Variants in PHKB observed in about 807,000 individuals in gnomAD.
PHKB encodes phosphorylase kinase regulatory subunit beta, also known as phosphorylase b kinase regulatory subunit beta.
PHKB carries 122 observed loss-of-function variants against 152.1 expected under a neutral mutation model. That is an observed-to-expected ratio of 0.80 (90% CI 0.69 to 0.93). The LOEUF (loss-of-function observed/expected upper bound fraction) is 0.93. Among genes scored for constraint, PHKB ranks in the 40% least tolerant of loss-of-function variants. The probability of loss-of-function intolerance (pLI) is 0.00; values close to 1 mark genes in which losing one functional copy is unlikely to be tolerated. For missense variants in PHKB, 1,304 were observed against 1,328.4 expected, an observed-to-expected ratio of 0.98 and a Z score of 0.29; for synonymous variants, 436 against 464.9, an observed-to-expected ratio of 0.94 and a Z score of 0.80.
chr16:47,560,756 A>G (rs1379705921), intron 7 of PHKB, among the ~76,000 whole-genome samples: 2 of 152,216 alleles, frequency 1.3e-5, no homozygotes, highest in African/African-American at 4.8e-5. Context: ...TACAAAAATT[A>G]ATATGAAAGA....
intron 10 of PHKB, among the ~76,000 whole-genome samples, chr16:47,589,554 G>T (rs755089573): frequency 1.3e-5 from 2 of 151,924 alleles, no homozygotes; most frequent in African/African-American, 2.4e-5. Context: ...AAAACTGATA[G>T]GCCATTCCAT....
At position 47,520,175 on chromosome 16, in the gene PHKB, GAAAT is replaced by G. The variant is rs1233374082; in HGVS notation, c.594+4577_594+4580del. Among the ~76,000 whole-genome samples the G allele has an allele frequency of 3.9e-5, 6 of 152,200 alleles. No homozygotes were observed. In the East Asian group the frequency reaches 1.2e-3, roughly 29 times the overall value. On this transcript the variant is annotated intron_variant, in intron 6 of 30. Transcript: ENST00000323584. ...CCTGCTTGTCATCAGTTTACACAGAGAAATAAGTAAGTTGTTCAAAACTATTTAT... is the reference window on the plus strand; with the variant it reads ...CCTGCTTGTCATCAGTTTACACAGAGAAGTAAGTTGTTCAAAACTATTTAT...
In PHKB at chr16:47,602,592, G is replaced by A. The variant is rs568384645; in HGVS notation, c.1363+6061G>A. 3.1e-3 allele frequency among the ~76,000 whole-genome samples: 409 copies of A among 134,024 alleles called. 3 individuals are homozygous for A. The highest frequency in any genetic ancestry group is 5.0e-3 in the Non-Finnish European group (325 of 64,670). 87.9% of individuals were successfully genotyped at this position (134,024 alleles called of 152,430 possible). On this transcript the variant is annotated intron_variant, in intron 13 of 30. Coordinates refer to ENST00000323584, the MANE Select transcript of PHKB (RefSeq NM_000293.3). ...TCTTACATTTTTCCTGTGCTGTAGTGAAAGGTGAAGAGTTTGTGGATTATG... is the reference window on the plus strand; with the variant it reads ...TCTTACATTTTTCCTGTGCTGTAGTAAAAGGTGAAGAGTTTGTGGATTATG...
rs761833311 is a variant in PHKB, at chr16:47,648,509, A to G, written c.1609-24A>G. 41 of 1,510,220 alleles carry G rather than the reference A, an allele frequency of 2.7e-5. 1 individual carries two copies. The South Asian group carries it at 4.3e-4, about 16-fold the overall frequency. The allele number at this position is 1,510,220 out of a possible 1,614,324, so 93.6% of individuals were successfully genotyped here. A position where few individuals can be genotyped will look rare whatever the true frequency, so the allele number is the denominator to read the frequency against. Reference sequence around the variant, plus strand: ...GTGACATGGATTCTTACCTGACTCTAATTTACAAACTTGTGTCTTACAGGC... The same window carrying G: ...GTGACATGGATTCTTACCTGACTCTGATTTACAAACTTGTGTCTTACAGGC... On this transcript the variant is annotated intron_variant, in intron 16 of 30. Coordinates refer to ENST00000323584, the MANE Select transcript of PHKB (RefSeq NM_000293.3).
intron 7 of PHKB, among the ~76,000 whole-genome samples, chr16:47,557,950 T>C (rs1000008508): frequency 5.3e-5 from 8 of 152,064 alleles, no homozygotes; most frequent in Admixed American, 6.6e-5. Flanking sequence ...TTTATTGCGG[T>C]ACTATTCACA....
At chr16:47,560,387 A>T (rs79160614) in intron 7 of PHKB, among the ~76,000 whole-genome samples, 1,920 of 152,350 alleles carry the variant, frequency 0.013, 34 homozygotes, top group South Asian at 0.054. Flanking sequence ...CTATGTAAAA[A>T]ATCCAACTAT....
chr16:47,670,261 G>A (rs1973615315), intron 26 of PHKB, among the ~76,000 whole-genome samples: 2 of 152,162 alleles, frequency 1.3e-5, no homozygotes, highest in Non-Finnish European at 1.5e-5. Flanking sequence ...CTTTGAGGGT[G>A]TTTCTCAAGT....
At chr16:47,520,208 TG>T (rs1373958666) in intron 6 of PHKB, among the ~76,000 whole-genome samples, 2 of 152,218 alleles carry the variant, frequency 1.3e-5, no homozygotes, top group Non-Finnish European at 2.9e-5. Flanking sequence ...TATTTATGGA[TG>T]GTTTTTCCTC....
chr16:47,663,898 C>G, intron 24 of PHKB, 164 bp downstream of exon 24: 1 of 644,230 alleles, frequency 1.6e-6, no homozygotes, highest in South Asian at 1.8e-5. Context: ...GCATGTCTGT[C>G]CCCCCACTGC....
chr16:47,496,361 T>A (rs1970232752), intron 1 of PHKB, among the ~76,000 whole-genome samples: 1 of 151,936 alleles, frequency 6.6e-6, no homozygotes, highest in Non-Finnish European at 1.5e-5. Context: ...TTAATGTTAC[T>A]ATCTGCCTAA....
At chr16:47,592,512 T>A (rs1972045840) in intron 10 of PHKB, among the ~76,000 whole-genome samples, 1 of 152,244 alleles carries the variant, frequency 6.6e-6, no homozygotes, top group Non-Finnish European at 1.5e-5. Context: ...TTGAGTTACC[T>A]TAGCTCATCT....
intron 7 of PHKB, among the ~76,000 whole-genome samples, chr16:47,578,740 C>G (rs910032727): frequency 2.0e-5 from 3 of 152,104 alleles, no homozygotes; most frequent in Non-Finnish European, 4.4e-5. Flanking sequence ...CTGACACCAC[C>G]ATGACTAAGA....
chr16:47,680,118 C>T (rs1204250908), intron 26 of PHKB, among the ~76,000 whole-genome samples: 1 of 152,124 alleles, frequency 6.6e-6, no homozygotes, highest in Non-Finnish European at 1.5e-5. Flanking sequence ...AGGGATGAAG[C>T]CCACTTGATC....
rs181872398 is a variant in PHKB, at chr16:47,564,952, G to A, written c.711-15343G>A. 8.0e-4 allele frequency: 205 copies of A among 257,436 alleles called. 4 individuals carry two copies. The Admixed American group carries it at 9.9e-3, about 12-fold the overall frequency. 15.9% of individuals were successfully genotyped at this position (257,436 alleles called of 1,614,324 possible). ...GCTGTTTATTCTGTTCCATTGGTCT[G>A]TGTGTCTTTTTTTTTTTTTCCCCCA... On this transcript the variant is annotated intron_variant, in intron 7 of 30. Coordinates refer to ENST00000323584, the MANE Select transcript of PHKB (RefSeq NM_000293.3).
At chr16:47,650,000 C>A (rs1973206104) in intron 18 of PHKB, among the ~76,000 whole-genome samples, 1 of 152,084 alleles carries the variant, frequency 6.6e-6, no homozygotes, top group South Asian at 2.1e-4. Flanking sequence ...AAATTCAGTC[C>A]AGTCTCCTCC....
At chr16:47,561,387 A>G (rs1329495142) in intron 7 of PHKB, 2 of 152,118 alleles carry the variant, frequency 1.3e-5, no homozygotes, top group Admixed American at 6.5e-5. Flanking sequence ...TATTATCACA[A>G]CTCTGAGTTC....
intron 7 of PHKB, among the ~76,000 whole-genome samples, chr16:47,552,544 C>G (rs563858972): frequency 1.3e-5 from 2 of 152,252 alleles, no homozygotes; most frequent in Non-Finnish European, 2.9e-5. Context: ...GCCGTGGTGG[C>G]TCACACCTGT....
intron 7 of PHKB, among the ~76,000 whole-genome samples, chr16:47,553,286 T>A (rs377312273): frequency 3.3e-5 from 5 of 152,074 alleles, no homozygotes; most frequent in Non-Finnish European, 7.4e-5. Flanking sequence ...ATTAAGTTGA[T>A]CTTCAATCTC....
intron 26 of PHKB, among the ~76,000 whole-genome samples, chr16:47,683,164 G>T (rs1973895256): frequency 6.6e-6 from 1 of 152,202 alleles, no homozygotes; most frequent in Admixed American, 6.5e-5. Context: ...TAAGGTGTCA[G>T]TCTGCCCCTA....
Sources: gnomAD v4.1 joint callset for allele counts (sites outside exome capture counted in the v4.1 genomes callset) on GRCh38, gnomAD v4.1.1 for gene constraint, MANE v1.5 for transcripts, NCBI Gene and HGNC (gene_info 2026-07-23, HGNC 2026-07-21) for gene names.